The following SYCP2 variants were observed in gnomAD, a reference collection of about 807,000 sequenced individuals.
SYCP2 encodes the protein synaptonemal complex protein 2, also known as synaptonemal complex lateral element protein.
Under a neutral mutation model 211.3 loss-of-function variants are expected in SYCP2, and 55 were observed. The observed-to-expected ratio is 0.26, with a 90% CI of 0.21 to 0.33. SYCP2 has a LOEUF of 0.33. Among genes scored for constraint, SYCP2 ranks in the 10% least tolerant of loss-of-function variants. The probability of loss-of-function intolerance (pLI) is 1.00; values close to 1 mark genes in which losing one functional copy is unlikely to be tolerated. For missense variants in SYCP2, 1,731 were observed against 1,752.0 expected, an observed-to-expected ratio of 0.99 and a Z score of 0.21; for synonymous variants, 570 against 555.2, an observed-to-expected ratio of 1.03 and a Z score of -0.37.
At chr20:59,930,612 A>C (rs1313243121) in intron 2 of SYCP2, among the ~76,000 whole-genome samples, 1 of 152,224 alleles carries the variant, frequency 6.6e-6, no homozygotes, top group Non-Finnish European at 1.5e-5. Flanking sequence ...AGTAGTAAGC[A>C]ATCTATATTA....
Position 59,869,013 on chromosome 20 carries a change from A to C in SYCP2, c.3742-88T>G, listed in dbSNP as rs189709056. On this transcript the variant is annotated intron_variant, in intron 36 of 44. Coordinates refer to ENST00000357552, the MANE Select transcript of SYCP2 (RefSeq NM_014258.4). ...ACCTTTCTCAAACCCAAAAACCAAT[A>C]ATTTTAAATGCTGTCAATTCTTTCT... The C allele has an allele frequency of 8.5e-5, 70 of 824,668 alleles. 1 individual carries two copies. In the Middle Eastern group the frequency reaches 1.5e-3, roughly 18 times the overall value. The allele number at this position is 824,668 out of a possible 1,614,324, so 51.1% of individuals were successfully genotyped here. A position where few individuals can be genotyped will look rare whatever the true frequency, so the allele number is the denominator to read the frequency against.
chr20:59,881,452 T>G lies in SYCP2; in HGVS notation c.2699A>C (p.Asp900Ala). Reference sequence around the variant, plus strand: ...AAATACCTACAATCTAATTGACCTATCCGCACAAGCTTCTTTAGCTGTAGC... The same window carrying G: ...AAATACCTACAATCTAATTGACCTAGCCGCACAAGCTTCTTTAGCTGTAGC... ...FQATAKEACADRSIRLVGPRN... is the reference protein window; with the variant it reads ...FQATAKEACAARSIRLVGPRN... The change falls in exon 29 of 45, where the codon GAT becomes GCT. Residue 900 changes from aspartate to alanine, a missense_variant. Asp to Ala is a moderately radical substitution (Grantham distance 126). Transcript: ENST00000357552. 1 of 1,538,022 alleles carries G rather than the reference T, an allele frequency of 6.5e-7. No homozygotes were observed. The highest frequency in any genetic ancestry group is 8.8e-7 in the Non-Finnish European group (1 of 1,134,622).
At chr20:59,873,791 T>C (rs1172074219) in intron 35 of SYCP2, 65 bp downstream of exon 35, 1 of 1,357,268 alleles carries the variant, frequency 7.4e-7, no homozygotes, top group Non-Finnish European at 1.0e-6. Flanking sequence ...ATTAAGATGA[T>C]AGGGAAAATA....
intron 15 of SYCP2, 43 bp downstream of exon 15, chr20:59,907,321 G>C: frequency 7.9e-7 from 1 of 1,261,548 alleles, no homozygotes; most frequent in Non-Finnish European, 1.1e-6. Flanking sequence ...TGTTCCATAT[G>C]GTAAGAATTA....
At chr20:59,902,813 C>G (rs183607520) in intron 15 of SYCP2, among the ~76,000 whole-genome samples, 1 of 152,202 alleles carries the variant, frequency 6.6e-6, no homozygotes, top group African/African-American at 2.4e-5. Flanking sequence ...ACTCAAAGAG[C>G]GCTAGTAGTT....
chr20:59,892,811 T>C (rs2059932833), intron 22 of SYCP2, 110 bp from the exon 23 acceptor site: 1 of 985,618 alleles, frequency 1.0e-6, no homozygotes, highest in Admixed American at 3.3e-5. Flanking sequence ...TATGTGAAAA[T>C]TATGTGGAAA....
Position 59,877,683 on chromosome 20 carries a change from A to G in SYCP2, c.2980-128T>C, listed in dbSNP as rs374443031. ...TTTGTAAGAATGATTCTTGATTAAC[A>G]TACTTTAAATTAATGGATTTTATCT... On this transcript the variant is annotated intron_variant, in intron 32 of 44. Coordinates refer to ENST00000357552, the MANE Select transcript of SYCP2 (RefSeq NM_014258.4). 8.3e-5 allele frequency: 64 copies of G among 771,240 alleles called. No individual in the cohort carries two copies. The African/African-American group carries it at 8.9e-4, about 11-fold the overall frequency. 47.8% of individuals were successfully genotyped at this position (771,240 alleles called of 1,614,324 possible). A position where few individuals can be genotyped will look rare whatever the true frequency, so the allele number is the denominator to read the frequency against.
intron 7 of SYCP2, among the ~76,000 whole-genome samples, chr20:59,918,795 T>G (rs1455459526): frequency 2.0e-5 from 3 of 152,152 alleles, no homozygotes; most frequent in African/African-American, 7.2e-5. Flanking sequence ...ACACTAACTC[T>G]GAACCCTAAT....
chr20:59,893,569 C>G lies in SYCP2; in HGVS notation c.1690G>C (p.Glu564Gln). 6.2e-7 allele frequency: 1 copy of G among 1,608,990 alleles called. No homozygotes were observed. The highest frequency in any genetic ancestry group is 8.5e-7 in the Non-Finnish European group (1 of 1,176,996). Residue 564 changes from glutamate (E) to glutamine (Q), a missense_variant, in exon 21 of 45, where the codon GAA becomes CAA. Transcript: ENST00000357552. ...TCAACATTCTTATTTTCTGTGTTTT[C>G]TACACACTTAGCAGTTTTGATATGC... ...DKHIKTAKCV[E>Q]NTENKNVEFP... is the part of the protein sequence containing the mutation.
Position 59,911,735 on chromosome 20 carries a change from C to T in SYCP2, c.972+15G>A. On this transcript the variant is annotated intron_variant, in intron 14 of 44. Coordinates refer to ENST00000357552, the MANE Select transcript of SYCP2 (RefSeq NM_014258.4). ...GCATATACATAAAGAATAATACCAA[C>T]CAAATTAAACTTACATCATTATCTC... The T allele has an allele frequency of 1.5e-6, 2 of 1,375,712 alleles. No individual in the cohort carries two copies. The highest frequency in any genetic ancestry group is 2.0e-6 in the Non-Finnish European group (2 of 988,754). 85.2% of individuals were successfully genotyped at this position (1,375,712 alleles called of 1,614,324 possible). A position where few individuals can be genotyped will look rare whatever the true frequency, so the allele number is the denominator to read the frequency against.
chr20:59,899,937 C>A (rs1205755227), intron 18 of SYCP2: 5 of 580,702 alleles, frequency 8.6e-6, no homozygotes, highest in Non-Finnish European at 1.5e-5. Flanking sequence ...ATGTCTTGTT[C>A]TAACCCCTAT....
intron 31 of SYCP2, among the ~76,000 whole-genome samples, chr20:59,878,298 T>C (rs1457161665): frequency 6.6e-6 from 1 of 152,116 alleles, no homozygotes; most frequent in Non-Finnish European, 1.5e-5. Flanking sequence ...TGGAAGCTTT[T>C]CCTTTCCCAG....
chr20:59,873,027 C>A (rs1258650915), intron 35 of SYCP2, among the ~76,000 whole-genome samples: 2 of 152,010 alleles, frequency 1.3e-5, no homozygotes, highest in African/African-American at 4.8e-5. Context: ...CTATGTATCA[C>A]ATTATATGTA....
chr20:59,912,253 G>A (rs754219706), intron 13 of SYCP2, 120 bp downstream of exon 13: 14 of 536,546 alleles, frequency 2.6e-5, no homozygotes, highest in Non-Finnish European at 2.0e-5. Context: ...TACTAGACCA[G>A]CTACATTCAT....
At position 59,892,401 on chromosome 20, in the gene SYCP2, A is replaced by C; in HGVS notation, c.1953T>G (p.Thr651=). The change falls in exon 24 of 45, where the codon ACT becomes ACG. Residue 651 remains threonine (T), a synonymous_variant. Transcript: ENST00000357552. ...ATATTGAAGAGGATGATTTTTGTTT[A>C]GTAAGTTTTTTATTTATAACAATAT... The part of the protein sequence containing the change: ...NQDIVINKKL[T]KQKSSSSISD... 1 of 1,543,474 alleles carries C rather than the reference A, an allele frequency of 6.5e-7. No homozygotes were observed. The highest frequency in any genetic ancestry group is 1.2e-5 in the South Asian group (1 of 83,282).
Position 59,865,857 on chromosome 20 carries a change from C to A in SYCP2, c.4329G>T (p.Trp1443Cys). 1.4e-6 allele frequency: 2 copies of A among 1,390,854 alleles called. No individual in the cohort carries two copies. Among genetic ancestry groups the A allele is most frequent in the South Asian group, 1.7e-5 (1 of 58,034 alleles). 86.2% of individuals were successfully genotyped at this position (1,390,854 alleles called of 1,614,324 possible). A position where few individuals can be genotyped will look rare whatever the true frequency, so the allele number is the denominator to read the frequency against. Residue 1443 changes from tryptophan (W) to cysteine (C), a missense_variant, in exon 42 of 45, where the codon TGG becomes TGT. By Grantham distance (215) the Trp-to-Cys change is radical. Coordinates refer to ENST00000357552, the MANE Select transcript of SYCP2 (RefSeq NM_014258.4). ...KDLEKEFVDF[W>C]EKIFQKFSAY... Reference sequence around the variant, plus strand: ...CACTGAACTTCTGAAATATCTTTTCCCAAAAGTCCTAAATTAATTAATAAA... The same window carrying A: ...CACTGAACTTCTGAAATATCTTTTCACAAAAGTCCTAAATTAATTAATAAA...
intron 7 of SYCP2, 119 bp from the exon 8 acceptor site, chr20:59,916,690 A>G: frequency 1.5e-6 from 1 of 656,540 alleles, no homozygotes; most frequent in Non-Finnish European, 2.7e-6. Flanking sequence ...CTATAATCCT[A>G]GCACTTTGGA....
At chr20:59,865,272 A>T in intron 44 of SYCP2, 116 bp downstream of exon 44, 1 of 789,130 alleles carries the variant, frequency 1.3e-6, no homozygotes, top group Non-Finnish European at 2.0e-6. Context: ...ATTGGGCTAA[A>T]ACTATTTTCT....
At chr20:59,909,911 A>G (rs1270736879) in intron 14 of SYCP2, among the ~76,000 whole-genome samples, 1 of 152,242 alleles carries the variant, frequency 6.6e-6, no homozygotes, top group Admixed American at 6.5e-5. Flanking sequence ...CTCTATGAGA[A>G]GGCAACATTT....
Sources: allele counts gnomAD v4.1 joint callset (sites outside exome capture counted in the v4.1 genomes callset), GRCh38; gene constraint gnomAD v4.1.1; transcripts MANE v1.5; gene names NCBI Gene and HGNC (gene_info 2026-07-23, HGNC 2026-07-21).